The following HMGA1 variants were observed in gnomAD, a reference collection of about 807,000 sequenced individuals.
HMGA1 encodes high mobility group AT-hook 1, also known as high mobility group protein HMG-I/HMG-Y.
Under a neutral mutation model 15.1 loss-of-function variants are expected in HMGA1, and 1 was observed. The ratio of observed to expected loss-of-function variants is 0.07; its 90% CI spans 0.02 to 0.31. The LOEUF (loss-of-function observed/expected upper bound fraction) is 0.31, where lower values mean the gene tolerates loss of function less well. Among genes scored for constraint, HMGA1 ranks in the 10% least tolerant of loss-of-function variants. HMGA1 has a pLI of 1.00. For missense variants in HMGA1, 94 were observed against 141.4 expected (o/e 0.66, Z 1.70); for synonymous variants, 56 against 54.8 (o/e 1.02, Z -0.10).
chr6:34,246,087 GCCC>G lies in HMGA1; in HGVS notation c.*1204_*1206del. The G allele has an allele frequency of 4.0e-6, 1 of 247,802 alleles. No individual in the cohort carries two copies. 15.4% of individuals were successfully genotyped at this position (247,802 alleles called of 1,614,324 possible). On this transcript the variant is annotated 3_prime_UTR_variant, in exon 6 of 6. Coordinates refer to ENST00000311487, the MANE Select transcript of HMGA1 (RefSeq NM_145899.3). ...ATGCTGCAGCAGAGTGAGCAAGGGGGCCCAAATCGACCATAAAGGGTGTAGGGG... is the reference window on the plus strand; with the variant it reads ...ATGCTGCAGCAGAGTGAGCAAGGGGGAAATCGACCATAAAGGGTGTAGGGG...
chr6:34,239,603 C>A (rs1762129935), intron 2 of HMGA1, among the ~76,000 whole-genome samples: 1 of 152,172 alleles, frequency 6.6e-6, no homozygotes, highest in South Asian at 2.1e-4. Context: ...TGTCCCACCC[C>A]TTACCATGGC....
rs752273694 is a variant in HMGA1 at position 34,244,950 on chromosome 6, C to A, written c.*66C>A. The A allele has an allele frequency of 9.0e-6, 14 of 1,547,518 alleles. No homozygotes were observed. The highest frequency in any genetic ancestry group is 1.1e-5 in the Non-Finnish European group (13 of 1,145,598). Reference sequence around the variant, plus strand: ...CTTCTGGGACTGGACAGCTTTGCTCCGCTCCCACCGCCCCCACCCCTTCCC... The same window carrying A: ...CTTCTGGGACTGGACAGCTTTGCTCAGCTCCCACCGCCCCCACCCCTTCCC... On this transcript the variant is annotated 3_prime_UTR_variant, in exon 6 of 6. Transcript: ENST00000311487.
chr6:34,241,615 G>A (rs931935072), intron 3 of HMGA1, among the ~76,000 whole-genome samples: 6 of 152,200 alleles, frequency 3.9e-5, no homozygotes, highest in Non-Finnish European at 2.9e-5. Context: ...CCAGCCTGGC[G>A]CTGTGGGGCA....
At chr6:34,239,014 T>C (rs1762070483) in intron 2 of HMGA1, 1 of 152,164 alleles carries the variant, frequency 6.6e-6, no homozygotes, top group South Asian at 2.1e-4. Context: ...GGACCTGTGG[T>C]GTAATATAAG....
intron 1 of HMGA1, 78 bp from the exon 2 acceptor site, chr6:34,237,125 TA>T (rs1239589003): frequency 1.3e-5 from 2 of 151,650 alleles, no homozygotes; most frequent in Non-Finnish European, 2.9e-5. Flanking sequence ...CTGTGACACA[TA>T]AATACCCCGC....
Position 34,240,746 on chromosome 6 carries a change from C to T in HMGA1, c.-35C>T, listed in dbSNP as rs1456766994. On this transcript the variant is annotated 5_prime_UTR_variant, in exon 3 of 6. Transcript: ENST00000311487. ...CTTTTCTGTCTCCCAGCATCCCAGCCATCACTCTTCCACCTGCTCCTTAGA... is the reference window on the plus strand; with the variant it reads ...CTTTTCTGTCTCCCAGCATCCCAGCTATCACTCTTCCACCTGCTCCTTAGA... The T allele has an allele frequency of 6.2e-7, 1 of 1,611,610 alleles. No homozygotes were observed. Among genetic ancestry groups the T allele is most frequent in the Non-Finnish European group, 8.5e-7 (1 of 1,179,598 alleles).
At chr6:34,238,319 C>T (rs981460042) in intron 2 of HMGA1, among the ~76,000 whole-genome samples, 3 of 152,138 alleles carry the variant, frequency 2.0e-5, no homozygotes, top group Admixed American at 6.5e-5. Context: ...CAGACACTTG[C>T]AGAGTCACCC....
In HMGA1 at chr6:34,245,401, G is replaced by A. The variant is rs1192685853; in HGVS notation, c.*517G>A. ...GCAGCAGCAGGTGTGGCCAATGGAG[G>A]GGGGTGCTGGCCCCCAGGATTCCCC... On this transcript the variant is annotated 3_prime_UTR_variant, in exon 6 of 6. Transcript: ENST00000311487. 2.2e-6 allele frequency: 3 copies of A among 1,357,610 alleles called. No individual in the cohort carries two copies. The highest frequency in any genetic ancestry group is 3.4e-5 in the East Asian group (1 of 29,280). The allele number at this position is 1,357,610 out of a possible 1,614,324, so 84.1% of individuals were successfully genotyped here.
intron 5 of HMGA1, among the ~76,000 whole-genome samples, chr6:34,244,558 TCTGCCCTC>T (rs1348611295): frequency 6.6e-6 from 1 of 152,162 alleles, no homozygotes. Context: ...TGCCCTGAGC[TCTGCCCTC>T]CTGCCCTCCC....
chr6:34,237,426 G>T (rs1761858695), intron 2 of HMGA1, 109 bp downstream of exon 2: 1 of 143,750 alleles, frequency 7.0e-6, no homozygotes, highest in Non-Finnish European at 1.5e-5. Flanking sequence ...GCGCGCCGCC[G>T]GCTTTATTCC....
chr6:34,242,904 A>C, intron 4 of HMGA1, 109 bp downstream of exon 4: 1 of 785,698 alleles, frequency 1.3e-6, no homozygotes, highest in Admixed American at 2.0e-5. Context: ...CAGTCATCTC[A>C]GTTGTGTACC....
intron 5 of HMGA1, 55 bp downstream of exon 5, chr6:34,243,573 G>A: frequency 3.6e-6 from 5 of 1,398,230 alleles, no homozygotes; most frequent in South Asian, 3.5e-5. Flanking sequence ...AGTTGAGGGT[G>A]TTGAGTACAC....
intron 2 of HMGA1, among the ~76,000 whole-genome samples, chr6:34,240,330 A>G (rs1467228168): frequency 1.3e-5 from 2 of 151,794 alleles, no homozygotes; most frequent in Non-Finnish European, 2.9e-5. Context: ...TTTCTCTTAA[A>G]GAGAAAGGGC....
chr6:34,238,478 T>C (rs1456064083), intron 2 of HMGA1, among the ~76,000 whole-genome samples: 1 of 152,242 alleles, frequency 6.6e-6, no homozygotes, highest in African/African-American at 2.4e-5. Context: ...AAGGCTTCTC[T>C]GGGCTACTTT....
chr6:34,237,708 G>A (rs868113760), intron 2 of HMGA1, among the ~76,000 whole-genome samples: 8 of 82,662 alleles, frequency 9.7e-5, no homozygotes, highest in East Asian at 4.3e-4. Context: ...CCCGAGCCCG[G>A]GCCCGGGTGA....
rs548985141 is a variant in HMGA1 at position 34,240,991 on chromosome 6, C to G, written c.135+76C>G. 2.2e-4 allele frequency: 338 copies of G among 1,533,788 alleles called. No individual in the cohort carries two copies. In the African/African-American group the frequency reaches 3.7e-3, roughly 17 times the overall value. On this transcript the variant is annotated intron_variant, in intron 3 of 5. Transcript: ENST00000311487. ...GGTGCCTGGAGTTTCATTCAGCAGG[C>G]GAGACCATGCATGGAGGGTGCAGAA...
At chr6:34,243,564 GT>G (rs35381162) in intron 5 of HMGA1, 46 bp downstream of exon 5, 1,427,297 of 1,518,288 alleles carry the variant, frequency 0.94, 676,097 homozygotes, top group Non-Finnish European at 0.97. Flanking sequence ...GCTCTTTTGA[GT>G]TGAGGGTGTT....
At chr6:34,237,679 G>A (rs1168819652) in intron 2 of HMGA1, among the ~76,000 whole-genome samples, 1 of 102,750 alleles carries the variant, frequency 9.7e-6, no homozygotes, top group Non-Finnish European at 2.3e-5. Context: ...GGCCGCTCCC[G>A]CTGGAGCCGG....
chr6:34,245,647 G>A lies in HMGA1; in HGVS notation c.*763G>A. 7.3e-7 allele frequency: 1 copy of A among 1,361,894 alleles called. No homozygotes were observed. The highest frequency in any genetic ancestry group is 9.8e-7 in the Non-Finnish European group (1 of 1,021,306). The allele number at this position is 1,361,894 out of a possible 1,614,324, so 84.4% of individuals were successfully genotyped here. On this transcript the variant is annotated 3_prime_UTR_variant, in exon 6 of 6. Transcript: ENST00000311487. ...TGCAGTCACTTATTGTCCAGGTGAG[G>A]CCCAAGAGCCCTGTGGCCGCCACCT...
Sources: allele counts gnomAD v4.1 joint callset (sites outside exome capture counted in the v4.1 genomes callset), GRCh38; gene constraint gnomAD v4.1.1; transcripts MANE v1.5; gene names NCBI Gene and HGNC (gene_info 2026-07-23, HGNC 2026-07-21).